The following TMEM109 variants were observed in gnomAD, a reference collection of about 807,000 sequenced individuals.
TMEM109 encodes the protein transmembrane protein 109, also known as voltage-gated monoatomic cation channel TMEM109.
TMEM109 carries 19 observed loss-of-function variants against 26.4 expected under a neutral mutation model. The ratio of observed to expected loss-of-function variants is 0.72; its 90% CI spans 0.50 to 1.06. The LOEUF is 1.06. TMEM109 is among the 50% of genes least tolerant of loss of function. The pLI is 0.00. For synonymous variants in TMEM109, 129 were observed against 142.0 expected (o/e 0.91, Z 0.65); for missense variants, 262 against 303.4 (o/e 0.86, Z 1.01).
intron 1 of TMEM109, among the ~76,000 whole-genome samples, chr11:60,915,185 G>A (rs1380351338): frequency 1.3e-5 from 2 of 152,224 alleles, no homozygotes; most frequent in Non-Finnish European, 2.9e-5. Flanking sequence ...TATAGTCAGT[G>A]GTAATGTGTG....
chr11:60,922,067 C>T lies in TMEM109; in HGVS notation c.634C>T (p.Leu212Phe). 6.2e-7 allele frequency: 1 copy of T among 1,613,420 alleles called. No homozygotes were observed. The highest frequency in any genetic ancestry group is 8.5e-7 in the Non-Finnish European group (1 of 1,179,962). ...TGGCTCCCGAGCCTCTGGGGCCCAA[C>T]TCGAGGCCAAGGTGCGAGGGCTGGA... is the stretch of plus-strand genomic sequence containing the variant. ...LTGSRASGAQLEAKVRGLERQ... is the reference protein window; with the variant it reads ...LTGSRASGAQFEAKVRGLERQ... The change falls in exon 4 of 4, where the codon CTC becomes TTC. Residue 212 changes from leucine (L) to phenylalanine (F), a missense_variant. Leu to Phe is a conservative substitution (Grantham distance 22). Coordinates refer to ENST00000227525, the MANE Select transcript of TMEM109 (RefSeq NM_024092.3).
In TMEM109 at chr11:60,923,200, C is replaced by T. The variant is rs1442871964; in HGVS notation, c.*1035C>T. ...AGGGTGAGCTGCCAGCTGCCCCTCT[C>T]CACCAGGGTACCCTGTCTTGGTGGT... On this transcript the variant is annotated 3_prime_UTR_variant, in exon 4 of 4. Coordinates refer to ENST00000227525, the MANE Select transcript of TMEM109 (RefSeq NM_024092.3). 2 of 152,472 alleles carry T rather than the reference C, an allele frequency of 1.3e-5. No homozygotes were observed. The highest frequency in any genetic ancestry group is 2.9e-5 in the Non-Finnish European group (2 of 68,004). 9.4% of individuals were successfully genotyped at this position (152,472 alleles called of 1,614,324 possible). A position where few individuals can be genotyped will look rare whatever the true frequency, so the allele number is the denominator to read the frequency against.
intron 1 of TMEM109, among the ~76,000 whole-genome samples, chr11:60,916,692 C>T (rs1417869491): frequency 6.6e-6 from 1 of 152,248 alleles, no homozygotes; most frequent in Non-Finnish European, 1.5e-5. Flanking sequence ...TTCAGAACAT[C>T]AGTCTGCATA....
At chr11:60,920,740 C>CT in intron 2 of TMEM109, 146 bp from the exon 3 acceptor site, 1 of 740,314 alleles carries the variant, frequency 1.4e-6, no homozygotes, top group Non-Finnish European at 2.3e-6. Context: ...CCCAAGGCCC[C>CT]TACCCTCTGA....
chr11:60,921,427 C>T (rs181135775), intron 3 of TMEM109, among the ~76,000 whole-genome samples: 1 of 152,072 alleles, frequency 6.6e-6, no homozygotes, highest in Non-Finnish European at 1.5e-5. Context: ...CCCACCCAGA[C>T]CCCCTAAAAA....
chr11:60,920,898 GTGT>G lies in TMEM109; in HGVS notation c.254_256del (p.Leu85del). 1 of 1,614,118 alleles carries G rather than the reference GTGT, an allele frequency of 6.2e-7. No individual in the cohort carries two copies. Among genetic ancestry groups the G allele is most frequent in the Non-Finnish European group, 8.5e-7 (1 of 1,179,948 alleles). On this transcript the variant is annotated inframe_deletion, in exon 3 of 4. Coordinates refer to ENST00000227525, the MANE Select transcript of TMEM109 (RefSeq NM_024092.3). ...GCTCTTTCCACAGTCTTCGTCCCAA[GTGT>G]TGTGGGCCATCTCATCAGCCATTTC...
intron 1 of TMEM109, among the ~76,000 whole-genome samples, chr11:60,915,260 T>A (rs1250755018): frequency 1.3e-5 from 2 of 152,234 alleles, no homozygotes; most frequent in Admixed American, 1.3e-4. Flanking sequence ...CTTAACTCCT[T>A]ACAGCAACTC....
chr11:60,915,705 A>G (rs1315802169), intron 1 of TMEM109, among the ~76,000 whole-genome samples: 1 of 152,190 alleles, frequency 6.6e-6, no homozygotes, highest in Non-Finnish European at 1.5e-5. Flanking sequence ...ATGAAATGAA[A>G]CTAACAAAAG....
rs1337211570 is a variant in TMEM109 at position 60,922,175 on chromosome 11, C to A, written c.*10C>A. 6.4e-7 allele frequency: 1 copy of A among 1,569,494 alleles called. No individual in the cohort carries two copies. The highest frequency in any genetic ancestry group is 1.2e-5 in the South Asian group (1 of 86,862). On this transcript the variant is annotated 3_prime_UTR_variant, in exon 4 of 4. Transcript: ENST00000227525. ...TGTGGAGGAGGAGTGAGCCGGATGC[C>A]CCACACACCGCCAGTGTCATACCAA...
intron 2 of TMEM109, among the ~76,000 whole-genome samples, chr11:60,920,447 C>G (rs537281821): frequency 6.6e-6 from 1 of 152,320 alleles, no homozygotes; most frequent in East Asian, 1.9e-4. Context: ...CTGATAGACT[C>G]CTTTTTCACT....
chr11:60,917,201 T>G (rs1420067660), intron 1 of TMEM109, among the ~76,000 whole-genome samples: 2 of 152,192 alleles, frequency 1.3e-5, no homozygotes, highest in African/African-American at 4.8e-5. Flanking sequence ...ACTCTCCTCC[T>G]TCCCCCTAAG....
At position 60,922,377 on chromosome 11, in the gene TMEM109, TG is replaced by T. The variant is rs138560883; in HGVS notation, c.*216del. The T allele has an allele frequency of 0.011, 17,463 of 1,531,528 alleles. 139 individuals carry two copies. The highest frequency in any genetic ancestry group is 0.03 in the Middle Eastern group (182 of 5,976). 94.9% of individuals were successfully genotyped at this position (1,531,528 alleles called of 1,614,324 possible). On this transcript the variant is annotated 3_prime_UTR_variant, in exon 4 of 4. Transcript: ENST00000227525. Reference sequence around the variant, plus strand: ...GCCCTGTCTTCTGAGGTTCTCTGTCTGGGGTTGGCTCTCTTAACCCTTTCTC... The same window carrying T: ...GCCCTGTCTTCTGAGGTTCTCTGTCTGGGTTGGCTCTCTTAACCCTTTCTC...
intron 2 of TMEM109, among the ~76,000 whole-genome samples, chr11:60,920,203 T>TG (rs2134880672): frequency 6.6e-6 from 1 of 152,348 alleles, no homozygotes; most frequent in South Asian, 2.1e-4. Flanking sequence ...CCCATGTTAC[T>TG]GGGTGACTGT....
intron 1 of TMEM109, among the ~76,000 whole-genome samples, chr11:60,914,612 G>A (rs1183990543): frequency 6.6e-6 from 1 of 152,226 alleles, no homozygotes; most frequent in Non-Finnish European, 1.5e-5. Flanking sequence ...TGCAGCCTCG[G>A]CTCGAGCCCT....
At chr11:60,919,958 C>T (rs765477335) in intron 2 of TMEM109, 28 bp downstream of exon 2, 5 of 1,579,682 alleles carry the variant, frequency 3.2e-6, no homozygotes, top group Non-Finnish European at 3.5e-6. Context: ...TGTGTGACTA[C>T]ACACATTAAG....
intron 1 of TMEM109, among the ~76,000 whole-genome samples, chr11:60,916,126 A>C (rs1856171959): frequency 6.6e-6 from 1 of 152,148 alleles, no homozygotes; most frequent in African/African-American, 2.4e-5. Flanking sequence ...GCAAAAAGGC[A>C]AGATTGAGAT....
chr11:60,915,101 T>C (rs1053306666), intron 1 of TMEM109, among the ~76,000 whole-genome samples: 3 of 152,230 alleles, frequency 2.0e-5, no homozygotes, highest in African/African-American at 7.2e-5. Context: ...GATTCCAACA[T>C]GTCAAGTCTA....
intron 2 of TMEM109, 56 bp from the exon 3 acceptor site, chr11:60,920,830 G>GAAGGCGAGGACCGTTGTTCATT: frequency 6.9e-7 from 1 of 1,447,810 alleles, no homozygotes; most frequent in East Asian, 2.3e-5. Flanking sequence ...GATCAGGCGT[G>GAAGGCGAGGACCGTTGTTCATT]AAGGCGAGGA....
Position 60,921,717 on chromosome 11 carries a change from G to A in TMEM109, c.341-57G>A, listed in dbSNP as rs547201895. The A allele has an allele frequency of 1.7e-5, 24 of 1,415,214 alleles. No homozygotes were observed. In the African/African-American group the frequency reaches 2.4e-4, roughly 14 times the overall value. The allele number at this position is 1,415,214 out of a possible 1,614,324, so 87.7% of individuals were successfully genotyped here. A position where few individuals can be genotyped will look rare whatever the true frequency, so the allele number is the denominator to read the frequency against. On this transcript the variant is annotated intron_variant, in intron 3 of 3. Transcript: ENST00000227525. ...CTCCCACCCTTTTAGCTCTTGCCCC[G>A]CTCTCCCCTCACCACTTCTCCAGGT...
Sources: allele counts gnomAD v4.1 joint callset (sites outside exome capture counted in the v4.1 genomes callset), GRCh38; gene constraint gnomAD v4.1.1; transcripts MANE v1.5; gene names NCBI Gene and HGNC (gene_info 2026-07-23, HGNC 2026-07-21).